ZNF831: variants seen among roughly 807,000 people sequenced by gnomAD.
The protein encoded by ZNF831 is chromosome 20 open reading frame 174.
A neutral mutation model predicts 95.8 loss-of-function variants in ZNF831; 59 were observed. The ratio of observed to expected loss-of-function variants is 0.62; its 90% CI spans 0.50 to 0.77. The LOEUF (loss-of-function observed/expected upper bound fraction) is 0.77, where lower values mean the gene tolerates loss of function less well. Among genes scored for constraint, ZNF831 ranks in the 30% least tolerant of loss-of-function variants. ZNF831 has a pLI of 0.00. For synonymous variants in ZNF831, 961 were observed against 925.5 expected, an observed-to-expected ratio of 1.04 and a Z score of -0.70; for missense variants, 2,205 against 2,164.0, an observed-to-expected ratio of 1.02 and a Z score of -0.38.
At chr20:59,246,314 T>C (rs1219982903) in intron 4 of ZNF831, among the ~76,000 whole-genome samples, 1 of 152,142 alleles carries the variant, frequency 6.6e-6, no homozygotes, top group African/African-American at 2.4e-5. Flanking sequence ...TGCTCTGAAA[T>C]TGCTGAAACA....
rs1338809685 is a variant in ZNF831 at position 59,256,603 on chromosome 20, T to C, written c.*1860T>C. ...GAATAAGAGAGTTGGACAAGACGAA[T>C]GTATCTCCAGGTTCCAATTTTTCTG... On this transcript the variant is annotated 3_prime_UTR_variant, in exon 6 of 6. Transcript: ENST00000371030. The C allele has an allele frequency of 2.0e-5, 3 of 152,256 alleles. No individual in the cohort carries two copies. Among genetic ancestry groups the C allele is most frequent in the Non-Finnish European group, 4.4e-5 (3 of 68,058 alleles). The allele number at this position is 152,256 out of a possible 1,614,324, so 9.4% of individuals were successfully genotyped here. A position where few individuals can be genotyped will look rare whatever the true frequency, so the allele number is the denominator to read the frequency against.
chr20:59,184,684 G>A (rs1488194457), intron 1 of ZNF831, among the ~76,000 whole-genome samples: 1 of 152,196 alleles, frequency 6.6e-6, no homozygotes, highest in South Asian at 2.1e-4. Context: ...TAGTACCCAA[G>A]TTCTATCTGC....
At position 59,192,727 on chromosome 20, in the gene ZNF831, C is replaced by T. The variant is rs6123860; in HGVS notation, c.1708C>T (p.Leu570=). The T allele has an allele frequency of 6.2e-7, 1 of 1,608,916 alleles. No individual in the cohort carries two copies. The highest frequency in any genetic ancestry group is 8.5e-7 in the Non-Finnish European group (1 of 1,178,400). ...GGTCAGACAGGCCGCGGTGGAGGAC[C>T]TGCCAGGCACCCCCATTGGCGATGC... ...ALVRQAAVED[L]PGTPIGDALV... is the part of the protein sequence containing the mutation. Residue 570 remains leucine, a synonymous_variant, in exon 2 of 6, where the codon CTG becomes TTG. Coordinates refer to ENST00000371030, the MANE Select transcript of ZNF831 (RefSeq NM_178457.3). The surrounding 1 kb of genome is among the most constrained non-coding windows in gnomAD (Gnocchi z 5.2).
At chr20:59,175,422 T>A (rs892026852) in intron 1 of ZNF831, among the ~76,000 whole-genome samples, 9 of 152,106 alleles carry the variant, frequency 5.9e-5, no homozygotes, top group Non-Finnish European at 1.0e-4. Flanking sequence ...CATTTTTTTT[T>A]TATTTTTTTT....
intron 1 of ZNF831, among the ~76,000 whole-genome samples, chr20:59,186,471 A>G (rs1170269349): frequency 6.6e-6 from 1 of 152,208 alleles, no homozygotes; most frequent in Non-Finnish European, 1.5e-5. Context: ...TGGGCACAGC[A>G]CTTGGTGTTT....
chr20:59,205,207 A>G (rs965847407), intron 3 of ZNF831, among the ~76,000 whole-genome samples: 4 of 152,174 alleles, frequency 2.6e-5, no homozygotes, highest in African/African-American at 9.7e-5. Flanking sequence ...TGGAAGAAGA[A>G]TTCTCTCCAT....
intron 2 of ZNF831, 89 bp from the exon 3 acceptor site, chr20:59,195,780 C>T (rs1984053601): frequency 6.6e-7 from 1 of 1,523,032 alleles, no homozygotes; most frequent in Non-Finnish European, 8.8e-7. Context: ...TGAAGACAGG[C>T]ATCTTGTCTG....
rs540503620 is a variant in ZNF831 at position 59,217,871 on chromosome 20, T to C, written c.4027+10815T>C. ...ATTTGATATTCTCACCAAATATTAATAGATGTGTTCCTCAGCAGAGGCACG... is the reference window on the plus strand; with the variant it reads ...ATTTGATATTCTCACCAAATATTAACAGATGTGTTCCTCAGCAGAGGCACG... On this transcript the variant is annotated intron_variant, in intron 4 of 5. Transcript: ENST00000371030. The surrounding 1 kb of genome is among the most constrained non-coding windows in gnomAD (Gnocchi z 4.4). 1.3e-5 allele frequency among the ~76,000 whole-genome samples: 2 copies of C among 152,348 alleles called. No individual in the cohort carries two copies. The highest frequency in any genetic ancestry group is 2.4e-5 in the African/African-American group (1 of 41,586).
At chr20:59,159,990 G>C (rs1382158531), upstream of ZNF831, 4 of 152,456 alleles carry the variant, frequency 2.6e-5, no homozygotes, top group South Asian at 4.1e-4. Flanking sequence ...CTGGCTCTGT[G>C]CCAGGCCCTG....
intron 1 of ZNF831, among the ~76,000 whole-genome samples, chr20:59,187,453 G>T (rs957034743): frequency 6.6e-6 from 1 of 152,076 alleles, no homozygotes; most frequent in African/African-American, 2.4e-5. Context: ...ACCTGTCTTG[G>T]ACTTAAACTT....
intron 2 of ZNF831, among the ~76,000 whole-genome samples, chr20:59,157,793 G>C (rs1980619237): frequency 6.6e-6 from 1 of 152,082 alleles, no homozygotes. Flanking sequence ...CCAAGTGATG[G>C]GTGTGGCAGG....
At chr20:59,195,812 T>G in intron 2 of ZNF831, 57 bp from the exon 3 acceptor site, 1 of 1,571,936 alleles carries the variant, frequency 6.4e-7, no homozygotes, top group East Asian at 2.3e-5. Flanking sequence ...CCCTTTGGAG[T>G]TTTCTTCATC....
chr20:59,154,963 G>C (rs181472632), intron 2 of ZNF831, among the ~76,000 whole-genome samples: 7 of 151,902 alleles, frequency 4.6e-5, no homozygotes, highest in Admixed American at 3.3e-4. Context: ...ATTTATACCC[G>C]TCTCTCACAC....
At chr20:59,127,323 C>T (rs577247185) in intron 1 of ZNF831, among the ~76,000 whole-genome samples, 1 of 152,318 alleles carries the variant, frequency 6.6e-6, no homozygotes, top group South Asian at 2.1e-4. Flanking sequence ...TCATCTCACC[C>T]TAGAGGCTTT....
At chr20:59,153,177 C>G (rs776148862) in intron 2 of ZNF831, among the ~76,000 whole-genome samples, 4 of 152,244 alleles carry the variant, frequency 2.6e-5, no homozygotes, top group Non-Finnish European at 4.4e-5. Context: ...TGTTCCTGAG[C>G]TCAGCACCCA....
intron 4 of ZNF831, among the ~76,000 whole-genome samples, chr20:59,236,870 T>C (rs1034467541): frequency 1.2e-4 from 19 of 152,298 alleles, no homozygotes; most frequent in African/African-American, 3.1e-4. Context: ...AAAAAGATTT[T>C]CCCCCCGTTT....
In ZNF831 at chr20:59,193,642, C is replaced by A. The variant is rs779863190; in HGVS notation, c.2623C>A (p.Gln875Lys). The change falls in exon 2 of 6, where the codon CAG becomes AAG. Residue 875 changes from glutamine to lysine, a missense_variant. By Grantham distance (53) the Gln-to-Lys change is moderately conservative (BLOSUM62 1). Transcript: ENST00000371030. ...AGGGGGCTCAAAGGAGAGTGCCAGG[C>A]AGGTGGGCGAGCCTCTGGAGTCCTC... is the stretch of plus-strand genomic sequence containing the variant. ...VPGGSKESAR[Q>K]VGEPLESSGA... 3.1e-6 allele frequency: 5 copies of A among 1,612,722 alleles called. No individual in the cohort carries two copies. In the Admixed American group the frequency reaches 8.3e-5, roughly 27 times the overall value.
At chr20:59,163,161 C>T (rs1980989140), upstream of ZNF831, among the ~76,000 whole-genome samples, 1 of 152,004 alleles carries the variant, frequency 6.6e-6, no homozygotes, top group Admixed American at 6.6e-5. Context: ...CCTTAAACTA[C>T]TGAAGTCATT....
chr20:59,192,757 G>C lies in ZNF831; in HGVS notation c.1738G>C (p.Val580Leu), dbSNP rs2146571139. Reference protein sequence around the residue: ...LPGTPIGDALVPAEDTDAKRT... With the variant: ...LPGTPIGDALLPAEDTDAKRT... Reference sequence around the variant, plus strand: ...AGGCACCCCCATTGGCGATGCCCTGGTGCCCGCAGAGGACACAGACGCAAA... The same window carrying C: ...AGGCACCCCCATTGGCGATGCCCTGCTGCCCGCAGAGGACACAGACGCAAA... Residue 580 changes from valine (V) to leucine (L), a missense_variant, in exon 2 of 6, where the codon GTG (valine) becomes CTG (leucine). Coordinates refer to ENST00000371030, the MANE Select transcript of ZNF831 (RefSeq NM_178457.3). The surrounding 1 kb of genome is among the most constrained non-coding windows in gnomAD (Gnocchi z 5.2). 1 of 1,612,194 alleles carries C rather than the reference G, an allele frequency of 6.2e-7. No individual in the cohort carries two copies.
Sources: gnomAD v4.1 joint callset for allele counts (sites outside exome capture counted in the v4.1 genomes callset) on GRCh38, gnomAD v4.1.1 for gene constraint, Gnocchi (gnomAD v3.1) non-coding constraint, MANE v1.5 for transcripts, NCBI Gene and HGNC (gene_info 2026-07-23, HGNC 2026-07-21) for gene names.